The following CCNC variants were observed in gnomAD, a reference collection of about 807,000 sequenced individuals.
CCNC encodes the protein cyclin-C.
Under a neutral mutation model 50.0 loss-of-function variants are expected in CCNC, and 19 were observed. The ratio of observed to expected loss-of-function variants is 0.38; its 90% CI spans 0.27 to 0.56. The LOEUF (loss-of-function observed/expected upper bound fraction) is 0.56. Among genes scored for constraint, CCNC ranks in the 20% least tolerant of loss-of-function variants. The pLI, the probability that CCNC is intolerant of heterozygous loss-of-function variation, is 0.72. For missense variants in CCNC, 200 were observed against 327.1 expected (o/e 0.61, Z 3.00); for synonymous variants, 93 against 103.7 (o/e 0.90, Z 0.63).
At chr6:99,550,458 C>G (rs1340864007) in intron 7 of CCNC, 149 bp from the exon 8 acceptor site, 7 of 605,374 alleles carry the variant, frequency 1.2e-5, no homozygotes, top group African/African-American at 1.9e-5. Flanking sequence ...CTTAAGCTAG[C>G]AGTATGACAG....
intron 1 of CCNC, among the ~76,000 whole-genome samples, chr6:99,564,254 A>G (rs1769006339): frequency 1.3e-5 from 2 of 152,014 alleles, no homozygotes; most frequent in Non-Finnish European, 2.9e-5. Context: ...GTGAAACTCC[A>G]TCTCTACTAA....
At chr6:99,549,161 A>T (rs1385550639) in intron 9 of CCNC, among the ~76,000 whole-genome samples, 4 of 152,184 alleles carry the variant, frequency 2.6e-5, no homozygotes, top group Admixed American at 6.5e-5. Flanking sequence ...GTTTGGGCTC[A>T]GGATATGAAA....
At chr6:99,568,040 A>G in intron 1 of CCNC, 1 of 164,374 alleles carries the variant, frequency 6.1e-6, no homozygotes, top group Non-Finnish European at 1.3e-5. Context: ...TCCTCATAAT[A>G]TTAAATCCAC....
At chr6:99,568,783 T>G (rs1583596711), upstream of CCNC, 8 of 1,204,498 alleles carry the variant, frequency 6.6e-6, no homozygotes, top group South Asian at 1.4e-4. Context: ...GGAGGGGAGG[T>G]GCTGACCCTT....
intron 1 of CCNC, among the ~76,000 whole-genome samples, chr6:99,564,128 A>AT: frequency 6.6e-6 from 1 of 152,138 alleles, no homozygotes; most frequent in East Asian, 1.9e-4. Flanking sequence ...AGTGAATCTT[A>AT]TAATATTTAA....
rs1318190457 is a variant in CCNC, at chr6:99,542,917, T to C, written c.*638A>G. ...TCAAAATGGTTATGGACTATCATGT[T>C]TAAAATGTCAAAGTATGCTATACAT... On this transcript the variant is annotated 3_prime_UTR_variant, in exon 12 of 12. Coordinates refer to ENST00000520429, the MANE Select transcript of CCNC (RefSeq NM_005190.4). 6.6e-6 allele frequency: 1 copy of C among 152,578 alleles called. No homozygotes were observed. Among genetic ancestry groups the C allele is most frequent in the Non-Finnish European group, 1.5e-5 (1 of 67,990 alleles). The allele number at this position is 152,578 out of a possible 1,614,324, so 9.5% of individuals were successfully genotyped here.
rs1267628896 is a variant in CCNC, at chr6:99,542,982, G to GC, written c.*572dup. The GC allele has an allele frequency of 6.6e-6, 1 of 152,450 alleles. No individual in the cohort carries two copies. Among genetic ancestry groups the GC allele is most frequent in the East Asian group, 1.9e-4 (1 of 5,186 alleles). The allele number at this position is 152,450 out of a possible 1,614,324, so 9.4% of individuals were successfully genotyped here. Reference sequence around the variant, plus strand: ...CTAGGCTGGGCTAGTATCTTCCATGGCAAGATCCTCAAACTACTGAATAAA... The same window carrying GC: ...CTAGGCTGGGCTAGTATCTTCCATGGCCAAGATCCTCAAACTACTGAATAAA... On this transcript the variant is annotated 3_prime_UTR_variant, in exon 12 of 12. Transcript: ENST00000520429.
rs1285849929 is a variant in CCNC, at chr6:99,545,189, C to T, written c.720G>A (p.Gln240=). The change falls in exon 11 of 12, where the codon CAG becomes CAA. Residue 240 remains glutamine (Q), a synonymous_variant. Coordinates refer to ENST00000520429, the MANE Select transcript of CCNC (RefSeq NM_005190.4). ...CTTTTCTCTCATCGAAATTCTTCCA[C>T]TGCTCATATAGTTTTAAAATAACCC... ...IIRVILKLYE[Q]WKNFDERKEM... is the part of the protein sequence containing the mutation. 1 of 1,608,476 alleles carries T rather than the reference C, an allele frequency of 6.2e-7. No homozygotes were observed. The highest frequency in any genetic ancestry group is 8.5e-7 in the Non-Finnish European group (1 of 1,175,248).
At chr6:99,566,769 T>C (rs961013191) in intron 1 of CCNC, 2 of 234,012 alleles carry the variant, frequency 8.5e-6, no homozygotes, top group African/African-American at 4.7e-5. Context: ...CTAGGATTCA[T>C]CATTATTTCA....
Position 99,568,280 on chromosome 6 carries a change from T to C in CCNC, c.32+216A>G, listed in dbSNP as rs2114445620. 2.8e-5 allele frequency: 16 copies of C among 577,746 alleles called. No homozygotes were observed. In the South Asian group the frequency reaches 3.4e-4, roughly 12 times the overall value. 35.8% of individuals were successfully genotyped at this position (577,746 alleles called of 1,614,324 possible). A position where few individuals can be genotyped will look rare whatever the true frequency, so the allele number is the denominator to read the frequency against. ...GGGAGACGAAACTCTCTCCCACCCC[T>C]CCCCCTCACAGATCCTTCCCTCCCC... On this transcript the variant is annotated intron_variant, in intron 1 of 11. Transcript: ENST00000520429.
At chr6:99,549,266 T>A in intron 9 of CCNC, 1 of 575,432 alleles carries the variant, frequency 1.7e-6, no homozygotes, top group East Asian at 3.0e-5. Context: ...CAGACACCGA[T>A]TAAAACTATT....
chr6:99,547,542 G>C (rs911630214), intron 9 of CCNC, among the ~76,000 whole-genome samples: 1 of 152,008 alleles, frequency 6.6e-6, no homozygotes, highest in African/African-American at 2.4e-5. Flanking sequence ...ATTGGGAGAC[G>C]AATTTGGCTA....
rs748037864 is a variant in CCNC at position 99,545,151 on chromosome 6, A to G, written c.758T>C (p.Ile253Thr). The G allele has an allele frequency of 6.2e-7, 1 of 1,610,872 alleles. No individual in the cohort carries two copies. The highest frequency in any genetic ancestry group is 1.1e-5 in the South Asian group (1 of 91,012). The change falls in exon 11 of 12, where the codon ATT becomes ACT. Residue 253 changes from isoleucine to threonine, a missense_variant. Ile to Thr is a moderately conservative substitution (Grantham distance 89). Coordinates refer to ENST00000520429, the MANE Select transcript of CCNC (RefSeq NM_005190.4). ...NFDERKEMAT[I>T]LSKMPKPKPP... ...TTTTGGTTTTGGCATCTTACTAAGA[A>G]TGGTTGCCATCTCTTTTCTCTCATC...
At chr6:99,556,079 T>C (rs140526896) in intron 5 of CCNC, among the ~76,000 whole-genome samples, 1 of 152,334 alleles carries the variant, frequency 6.6e-6, no homozygotes, top group African/African-American at 2.4e-5. Flanking sequence ...AACTTAAAAA[T>C]TATTTTTTCC....
intron 9 of CCNC, 58 bp from the exon 10 acceptor site, chr6:99,546,532 T>C (rs1283344479): frequency 6.5e-6 from 7 of 1,077,444 alleles, no homozygotes; most frequent in Non-Finnish European, 7.1e-6. Flanking sequence ...GAATATATGA[T>C]CTAACAAAGA....
chr6:99,565,884 C>T (rs368612571), intron 1 of CCNC, among the ~76,000 whole-genome samples: 3 of 151,944 alleles, frequency 2.0e-5, no homozygotes, highest in East Asian at 1.9e-4. Flanking sequence ...AAAAGTGAGA[C>T]TGTTTTTAGT....
intron 5 of CCNC, chr6:99,558,187 A>G: frequency 2.6e-6 from 1 of 380,282 alleles, no homozygotes; most frequent in South Asian, 8.5e-5. Flanking sequence ...AGAAAACAAT[A>G]AAATACAATA....
At chr6:99,568,328 A>T in intron 1 of CCNC, 168 bp downstream of exon 1, 1 of 613,090 alleles carries the variant, frequency 1.6e-6, no homozygotes, top group Middle Eastern at 3.4e-4. Context: ...GGGGGCGGGG[A>T]GGGGAGTCGC....
intron 5 of CCNC, among the ~76,000 whole-genome samples, chr6:99,552,113 TAAG>T (rs1353698516): frequency 1.3e-5 from 2 of 151,976 alleles, no homozygotes; most frequent in Non-Finnish European, 2.9e-5. Context: ...TTTACTACCT[TAAG>T]AAAGGATTCT....
Sources: gnomAD v4.1 joint callset for allele counts (sites outside exome capture counted in the v4.1 genomes callset) on GRCh38, gnomAD v4.1.1 for gene constraint, MANE v1.5 for transcripts, NCBI Gene and HGNC (gene_info 2026-07-23, HGNC 2026-07-21) for gene names.